Variants in NDUFS6 observed in about 807,000 individuals in gnomAD.
The protein encoded by NDUFS6 is NADH dehydrogenase [ubiquinone] iron-sulfur protein 6, mitochondrial.
Under a neutral mutation model 13.2 loss-of-function variants are expected in NDUFS6, and 14 were observed. The ratio of observed to expected loss-of-function variants is 1.06; its 90% CI spans 0.70 to 1.66. The LOEUF (loss-of-function observed/expected upper bound fraction) is 1.66. Among genes scored for constraint, NDUFS6 ranks in the 40% most tolerant of loss-of-function variants. NDUFS6 has a pLI of 0.00. For missense variants in NDUFS6, 206 were observed against 170.8 expected (o/e 1.21, Z -1.15); for synonymous variants, 95 against 72.3 (o/e 1.31, Z -1.60).
chr5:1,814,805 A>G lies in NDUFS6; in HGVS notation c.309+344A>G, dbSNP rs1315392997. 9.2e-6 allele frequency: 6 copies of G among 653,484 alleles called. No individual in the cohort carries two copies. Among genetic ancestry groups the G allele is most frequent in the African/African-American group, 1.8e-5 (1 of 55,324 alleles). The allele number at this position is 653,484 out of a possible 1,614,324, so 40.5% of individuals were successfully genotyped here. ...GGCTGGGGTCGAAAACAACAAACAC[A>G]TTTCCCACAGCGCTGGAGGCTGCAG... is the stretch of plus-strand genomic sequence containing the variant. On this transcript the variant is annotated intron_variant, in intron 3 of 3. Transcript: ENST00000274137. This position sits in a 1 kb window ranked among gnomAD's most constrained non-coding sequence, Gnocchi z 4.9.
intron 2 of NDUFS6, among the ~76,000 whole-genome samples, chr5:1,813,481 T>C (rs1177970529): frequency 6.6e-6 from 1 of 152,232 alleles, no homozygotes; most frequent in Non-Finnish European, 1.5e-5. Context: ...AATCAGTGAA[T>C]ATGTAGGCGG....
intron 2 of NDUFS6, among the ~76,000 whole-genome samples, chr5:1,809,257 C>T (rs954044500): frequency 1.3e-5 from 2 of 152,170 alleles, no homozygotes; most frequent in Admixed American, 6.5e-5. Context: ...CAAGAGATGG[C>T]GTGCGGGCTG....
At chr5:1,806,534 G>A (rs776509721) in intron 2 of NDUFS6, among the ~76,000 whole-genome samples, 23 of 152,192 alleles carry the variant, frequency 1.5e-4, no homozygotes, top group Non-Finnish European at 2.4e-4. Context: ...TCTACCTGGC[G>A]TGCTGTTTTG....
intron 2 of NDUFS6, among the ~76,000 whole-genome samples, chr5:1,802,609 G>A (rs1227013113): frequency 6.6e-6 from 1 of 152,140 alleles, no homozygotes; most frequent in Non-Finnish European, 1.5e-5. Context: ...ATAAATGGAA[G>A]TGATCTTTTT....
At chr5:1,803,170 T>C (rs774501065) in intron 2 of NDUFS6, among the ~76,000 whole-genome samples, 27 of 152,198 alleles carry the variant, frequency 1.8e-4, no homozygotes, top group African/African-American at 6.3e-4. Flanking sequence ...CCATTCCCAG[T>C]GTGTAGTTTT....
chr5:1,802,506 G>T, intron 2 of NDUFS6, 132 bp downstream of exon 2: 1 of 670,622 alleles, frequency 1.5e-6, no homozygotes. Flanking sequence ...GTTCTGGATG[G>T]GGTTCTTCCT....
chr5:1,811,265 T>C (rs1275769392), intron 2 of NDUFS6, among the ~76,000 whole-genome samples: 3 of 152,228 alleles, frequency 2.0e-5, no homozygotes, highest in Non-Finnish European at 4.4e-5. Flanking sequence ...AGATTTTCAA[T>C]TGTGTTGGGG....
intron 2 of NDUFS6, among the ~76,000 whole-genome samples, chr5:1,804,145 G>A (rs1734090033): frequency 1.3e-5 from 2 of 152,180 alleles, no homozygotes; most frequent in Admixed American, 6.5e-5. Flanking sequence ...TGGCACGGTC[G>A]TGGGGGCAAG....
rs1561102127 is a variant in NDUFS6, at chr5:1,801,655, G to A, written c.132+106G>A. ...GCGGCCCTGGTTCTGCGCCGGCAGC[G>A]CAGGTCGTGGTAAGGTTGTGCTGTC... On this transcript the variant is annotated intron_variant, in intron 1 of 3. Transcript: ENST00000274137. 2.8e-5 allele frequency: 41 copies of A among 1,466,086 alleles called. 1 individual carries two copies. In the South Asian group the frequency reaches 4.6e-4, roughly 17 times the overall value. 90.8% of individuals were successfully genotyped at this position (1,466,086 alleles called of 1,614,324 possible). A position where few individuals can be genotyped will look rare whatever the true frequency, so the allele number is the denominator to read the frequency against.
intron 3 of NDUFS6, among the ~76,000 whole-genome samples, chr5:1,815,463 T>A (rs2111364239): frequency 6.6e-6 from 1 of 152,346 alleles, no homozygotes; most frequent in Non-Finnish European, 1.5e-5. Flanking sequence ...GCATAAATGG[T>A]TAAGCAGCCT....
Position 1,815,868 on chromosome 5 carries a change from C to T in NDUFS6, c.327C>T (p.Thr109=), listed in dbSNP as rs565688388. 1.1e-5 allele frequency: 18 copies of T among 1,614,196 alleles called. No homozygotes were observed. Among genetic ancestry groups the T allele is most frequent in the South Asian group, 4.4e-5 (4 of 91,082 alleles). The change falls in exon 4 of 4, where the codon ACC becomes ACT. Residue 109 remains threonine, a synonymous_variant. Coordinates refer to ENST00000274137, the MANE Select transcript of NDUFS6 (RefSeq NM_004553.6). ...VYINLDKETK[T]GTCGYCGLQF... Reference sequence around the variant, plus strand: ...TTTTTCAGGACAAAGAAACAAAAACCGGCACATGCGGTTACTGTGGGCTCC... The same window carrying T: ...TTTTTCAGGACAAAGAAACAAAAACTGGCACATGCGGTTACTGTGGGCTCC...
intron 3 of NDUFS6, 114 bp from the exon 4 acceptor site, chr5:1,815,737 C>T (rs1233184772): frequency 9.6e-7 from 1 of 1,046,904 alleles, no homozygotes; most frequent in Non-Finnish European, 1.5e-6. Flanking sequence ...TCAGTAGTAA[C>T]TGCGTATTTT....
At chr5:1,805,155 A>G (rs1460178423) in intron 2 of NDUFS6, among the ~76,000 whole-genome samples, 1 of 152,172 alleles carries the variant, frequency 6.6e-6, no homozygotes, top group Non-Finnish European at 1.5e-5. Context: ...ATATGGTGAA[A>G]CCCTGTGTCT....
chr5:1,810,043 A>G (rs751306733), intron 2 of NDUFS6, among the ~76,000 whole-genome samples: 1 of 151,808 alleles, frequency 6.6e-6, no homozygotes, highest in African/African-American at 2.4e-5. Context: ...TTTCCGAAAC[A>G]TATCTGTGAG....
At chr5:1,803,233 G>A (rs1428394675) in intron 2 of NDUFS6, among the ~76,000 whole-genome samples, 1 of 152,210 alleles carries the variant, frequency 6.6e-6, no homozygotes, top group African/African-American at 2.4e-5. Flanking sequence ...ACATGATCAT[G>A]AATTGACTAT....
rs114591971 is a variant in NDUFS6 at position 1,808,243 on chromosome 5, C to T, written c.186+5869C>T. On this transcript the variant is annotated intron_variant, in intron 2 of 3. Coordinates refer to ENST00000274137, the MANE Select transcript of NDUFS6 (RefSeq NM_004553.6). ...CGTCCTTTAGGGGGTGTTTGAGACG[C>T]GGGCGGTGCGATGTGCGCCATGGCT... Among the ~76,000 whole-genome samples the T allele has an allele frequency of 5.4e-3, 815 of 152,248 alleles. 3 individuals are homozygous for T. The highest frequency in any genetic ancestry group is 0.019 in the African/African-American group (780 of 41,536).
intron 3 of NDUFS6, among the ~76,000 whole-genome samples, chr5:1,815,280 G>T (rs565806664): frequency 4.6e-5 from 7 of 152,224 alleles, no homozygotes; most frequent in African/African-American, 1.7e-4. Context: ...TGGGGTGCAG[G>T]GAGAGGGGGA....
chr5:1,801,577 C>T (rs1249206039), intron 1 of NDUFS6, 28 bp downstream of exon 1: 3 of 1,550,396 alleles, frequency 1.9e-6, no homozygotes, highest in East Asian at 2.4e-5. Flanking sequence ...CAGGATGCAC[C>T]TTCCTCCAGC....
intron 2 of NDUFS6, among the ~76,000 whole-genome samples, chr5:1,809,825 C>T (rs569765534): frequency 6.6e-6 from 1 of 152,232 alleles, no homozygotes; most frequent in Admixed American, 6.5e-5. Context: ...TAAGGCGCTG[C>T]GACAAGGCGA....
Sources: allele counts gnomAD v4.1 joint callset (sites outside exome capture counted in the v4.1 genomes callset), GRCh38; gene constraint gnomAD v4.1.1; non-coding constraint Gnocchi (gnomAD v3.1); transcripts MANE v1.5; gene names NCBI Gene and HGNC (gene_info 2026-07-23, HGNC 2026-07-21).